FRAS1: variants seen among roughly 807,000 people sequenced by gnomAD.
The protein encoded by FRAS1 is Fraser extracellular matrix complex subunit 1.
Under a neutral mutation model 435.2 loss-of-function variants are expected in FRAS1, and 290 were observed. That is an observed-to-expected ratio of 0.67 (90% CI 0.61 to 0.73). FRAS1 has a LOEUF of 0.73. Ranked by LOEUF, FRAS1 falls within the 30% of genes least tolerant of loss-of-function variation. FRAS1 has a pLI of 0.00. For missense variants in FRAS1, 4,860 were observed against 5,001.5 expected, an observed-to-expected ratio of 0.97 and a Z score of 0.85; for synonymous variants, 1,800 against 1,851.0, an observed-to-expected ratio of 0.97 and a Z score of 0.71.
intron 56 of FRAS1, among the ~76,000 whole-genome samples, chr4:78,480,094 C>A (rs979750032): frequency 3.3e-5 from 5 of 152,140 alleles, no homozygotes; most frequent in African/African-American, 1.2e-4. Flanking sequence ...TCCAATTATA[C>A]TCTTTTAGTT....
At chr4:78,478,890 A>G (rs1354128890) in intron 55 of FRAS1, among the ~76,000 whole-genome samples, 1 of 152,214 alleles carries the variant, frequency 6.6e-6, no homozygotes, top group Non-Finnish European at 1.5e-5. Context: ...CCTAATAAGT[A>G]AAGTCATTTG....
intron 2 of FRAS1, among the ~76,000 whole-genome samples, chr4:78,147,111 A>G (rs1409644438): frequency 6.6e-6 from 1 of 152,042 alleles, no homozygotes; most frequent in East Asian, 1.9e-4. Flanking sequence ...GCCCTGTCTT[A>G]TATTATGTGT....
chr4:78,337,589 A>G (rs1468987543), intron 19 of FRAS1, 85 bp from the exon 20 acceptor site: 34 of 1,444,436 alleles, frequency 2.4e-5, no homozygotes, highest in Non-Finnish European at 2.9e-5. Context: ...TCTGCTTTTA[A>G]TGTAATTTGT....
chr4:78,108,813 T>G (rs1374251009), intron 2 of FRAS1, among the ~76,000 whole-genome samples: 1 of 122,432 alleles, frequency 8.2e-6, no homozygotes, highest in Admixed American at 8.9e-5. Context: ...ATCCAGGAGC[T>G]GGTTTTTTGA....
intron 32 of FRAS1, among the ~76,000 whole-genome samples, chr4:78,414,425 G>A (rs1056668719): frequency 5.9e-5 from 9 of 152,156 alleles, no homozygotes; most frequent in Admixed American, 2.6e-4. Flanking sequence ...GCATACTTGC[G>A]AATTAGGTCT....
chr4:78,519,252 TG>T, intron 66 of FRAS1, 78 bp from the exon 67 acceptor site: 1 of 1,301,440 alleles, frequency 7.7e-7, no homozygotes, highest in South Asian at 1.9e-5. Context: ...TGAATGAAAA[TG>T]GAACCAAGAT....
intron 2 of FRAS1, among the ~76,000 whole-genome samples, chr4:78,122,114 T>G (rs1719065653): frequency 6.6e-6 from 1 of 152,126 alleles, no homozygotes; most frequent in Non-Finnish European, 1.5e-5. Context: ...TCTCCTAATG[T>G]TATCTATCCC....
chr4:78,461,194 G>A (rs77869232), intron 47 of FRAS1, among the ~76,000 whole-genome samples: 1 of 152,146 alleles, frequency 6.6e-6, no homozygotes, highest in African/African-American at 2.4e-5. Flanking sequence ...TGTTTTTTCA[G>A]TGGTAAGTCT....
intron 22 of FRAS1, among the ~76,000 whole-genome samples, chr4:78,367,750 C>T (rs1731334589): frequency 6.6e-6 from 1 of 151,870 alleles, no homozygotes; most frequent in African/African-American, 2.4e-5. Context: ...CTGCTTATTT[C>T]ACTTGGTTAC....
intron 9 of FRAS1, among the ~76,000 whole-genome samples, chr4:78,272,922 ATGT>A (rs1029811144): frequency 1.3e-5 from 2 of 152,082 alleles, no homozygotes; most frequent in African/African-American, 4.8e-5. Context: ...CATTTTCATG[ATGT>A]TGATTCTTCC....
intron 2 of FRAS1, among the ~76,000 whole-genome samples, chr4:78,192,950 C>T (rs1197368549): frequency 6.6e-6 from 1 of 152,182 alleles, no homozygotes; most frequent in East Asian, 1.9e-4. Flanking sequence ...TTGAATGTGT[C>T]CCAGAGATTC....
Position 78,307,822 on chromosome 4 carries a change from T to C in FRAS1, c.1535-244T>C, listed in dbSNP as rs570187045. On this transcript the variant is annotated intron_variant, in intron 14 of 73. Coordinates refer to ENST00000512123, the MANE Select transcript of FRAS1 (RefSeq NM_025074.7). ...TGCAGAAATCACCCGTCTTCTGCGT[T>C]GCTCACGTTGGGAGCTGTAGGCCGG... Among the ~76,000 whole-genome samples, 597 of 152,342 alleles carry C rather than the reference T, an allele frequency of 3.9e-3. 5 individuals are homozygous for C. Among genetic ancestry groups the C allele is most frequent in the African/African-American group, 0.013 (554 of 41,588 alleles).
At chr4:78,370,061 A>T (rs1182862954) in intron 23 of FRAS1, 77 bp downstream of exon 23, 10 of 1,434,454 alleles carry the variant, frequency 7.0e-6, no homozygotes, top group Non-Finnish European at 9.6e-6. Flanking sequence ...AGTTTTCCAT[A>T]TTGGGAAAAC....
chr4:78,104,434 T>A (rs1742287781), intron 2 of FRAS1, among the ~76,000 whole-genome samples: 1 of 152,226 alleles, frequency 6.6e-6, no homozygotes, highest in Middle Eastern at 3.2e-3. Flanking sequence ...CTAAGATTTT[T>A]CTTCCTTTGA....
chr4:78,372,631 C>A (rs1444410418), intron 23 of FRAS1, 87 bp from the exon 24 acceptor site: 3 of 1,505,656 alleles, frequency 2.0e-6, no homozygotes, highest in Non-Finnish European at 9.1e-7. Flanking sequence ...TTACTCCTTG[C>A]AGCTGCAGAC....
intron 3 of FRAS1, among the ~76,000 whole-genome samples, chr4:78,243,186 C>T (rs1725080285): frequency 2.0e-5 from 2 of 98,690 alleles, no homozygotes; most frequent in African/African-American, 5.6e-5. Context: ...AATTAACTCT[C>T]TCTATATATA....
At chr4:78,521,939 T>C (rs1225559913) in intron 68 of FRAS1, among the ~76,000 whole-genome samples, 1 of 152,190 alleles carries the variant, frequency 6.6e-6, no homozygotes, top group African/African-American at 2.4e-5. Context: ...TAATATCCAG[T>C]CTCTATTCAT....
chr4:78,085,777 A>T (rs974180711), intron 2 of FRAS1, among the ~76,000 whole-genome samples: 1 of 152,192 alleles, frequency 6.6e-6, no homozygotes, highest in Admixed American at 6.6e-5. Context: ...TCATAAAGCA[A>T]GTCCTTAGTG....
At chr4:78,311,816 T>G (rs1295345883) in intron 15 of FRAS1, among the ~76,000 whole-genome samples, 2 of 152,198 alleles carry the variant, frequency 1.3e-5, no homozygotes, top group Admixed American at 1.3e-4. Context: ...TGAGTTTGAG[T>G]ATATCTTCAA....
Sources: allele counts gnomAD v4.1 joint callset (sites outside exome capture counted in the v4.1 genomes callset), GRCh38; gene constraint gnomAD v4.1.1; transcripts MANE v1.5; gene names NCBI Gene and HGNC (gene_info 2026-07-23, HGNC 2026-07-21).